The following FHL2 variants were observed in gnomAD, a reference collection of about 807,000 sequenced individuals.
The protein encoded by FHL2 is four and a half LIM domains 2.
In FHL2, 20 loss-of-function variants were observed where a neutral mutation model predicts 32.7. The observed-to-expected ratio is 0.61, with a 90% CI of 0.43 to 0.89. FHL2 has a LOEUF of 0.89. Ranked by LOEUF, FHL2 falls within the 40% of genes least tolerant of loss-of-function variation. FHL2 has a pLI of 0.00. For missense variants in FHL2, 311 were observed against 358.6 expected (o/e 0.87, Z 1.07); for synonymous variants, 123 against 128.1 (o/e 0.96, Z 0.27).
intron 3 of FHL2, chr2:105,376,436 A>G (rs1053741463): frequency 2.0e-5 from 3 of 152,220 alleles, no homozygotes; most frequent in Non-Finnish European, 4.4e-5. Context: ...GTGGCTCAGT[A>G]TTGCCTTTGT....
At chr2:105,390,947 C>A (rs1285563789) in intron 2 of FHL2, among the ~76,000 whole-genome samples, 3 of 151,886 alleles carry the variant, frequency 2.0e-5, no homozygotes, top group Non-Finnish European at 4.4e-5. Flanking sequence ...CGGGCACACG[C>A]CACCACACTC....
At chr2:105,371,006 G>A (rs1303977982) in intron 4 of FHL2, among the ~76,000 whole-genome samples, 1 of 152,180 alleles carries the variant, frequency 6.6e-6, no homozygotes, top group Admixed American at 6.5e-5. Flanking sequence ...CCATTCCTTA[G>A]TAGAAGAGGC....
At chr2:105,435,523 C>T (rs116977194) in intron 1 of FHL2, among the ~76,000 whole-genome samples, 2,362 of 152,246 alleles carry the variant, frequency 0.016, 82 homozygotes, top group East Asian at 0.07. Context: ...TTCCCATAGC[C>T]GCTTCAGATA....
At chr2:105,411,786 C>T (rs1683801238) in intron 1 of FHL2, among the ~76,000 whole-genome samples, 1 of 151,594 alleles carries the variant, frequency 6.6e-6, no homozygotes. Context: ...CACGCCAGTG[C>T]ACTCCAGCCT....
At chr2:105,363,607 C>T (rs1298184623) in intron 5 of FHL2, 136 bp from the exon 6 acceptor site, 3 of 785,736 alleles carry the variant, frequency 3.8e-6, no homozygotes, top group Admixed American at 5.4e-5. Context: ...AGCTGCTTTA[C>T]AAACTTCACA....
At chr2:105,400,717 C>T (rs1340364779), upstream of FHL2, among the ~76,000 whole-genome samples, 7 of 125,280 alleles carry the variant, frequency 5.6e-5, no homozygotes, top group East Asian at 2.4e-4. Flanking sequence ...TTCTGACTTA[C>T]GGGTGTAATC....
intron 3 of FHL2, chr2:105,374,070 C>T (rs1254334998): frequency 6.0e-6 from 2 of 334,796 alleles, no homozygotes; most frequent in African/African-American, 4.3e-5. Context: ...ATCAATTCGT[C>T]TCACACCACA....
intron 1 of FHL2, among the ~76,000 whole-genome samples, chr2:105,427,396 C>T (rs55756009): frequency 0.08 from 12,218 of 152,116 alleles, 733 homozygotes; most frequent in East Asian, 0.29. Flanking sequence ...TGAAACTCAC[C>T]CGGAGCTTGA....
At chr2:105,376,724 G>T (rs919994498) in intron 3 of FHL2, 1 of 152,240 alleles carries the variant, frequency 6.6e-6, no homozygotes, top group Non-Finnish European at 1.5e-5. Flanking sequence ...CACGTTCATT[G>T]AAGAATTATT....
At chr2:105,426,179 T>C (rs529024031) in intron 1 of FHL2, among the ~76,000 whole-genome samples, 17 of 152,328 alleles carry the variant, frequency 1.1e-4, no homozygotes, top group Middle Eastern at 3.4e-3. Context: ...TTTGTCAAAG[T>C]GCTCTTAGCT....
chr2:105,404,250 A>G (rs1031565666), intron 1 of FHL2, among the ~76,000 whole-genome samples: 25 of 152,188 alleles, frequency 1.6e-4, no homozygotes, highest in Non-Finnish European at 3.1e-4. Context: ...TCCCACTCAA[A>G]CCTTGGCCAG....
chr2:105,427,962 C>A (rs1684313934), intron 1 of FHL2, among the ~76,000 whole-genome samples: 1 of 152,208 alleles, frequency 6.6e-6, no homozygotes, highest in South Asian at 2.1e-4. Flanking sequence ...AGTATGCAGT[C>A]TACTTTATTC....
chr2:105,438,228 G>A (rs1191928632), intron 1 of FHL2, among the ~76,000 whole-genome samples: 1 of 152,166 alleles, frequency 6.6e-6, no homozygotes, highest in African/African-American at 2.4e-5. Context: ...CCAGCTGCCA[G>A]CAACACCTGC....
intron 3 of FHL2, among the ~76,000 whole-genome samples, chr2:105,385,689 T>C (rs1682254381): frequency 6.6e-6 from 1 of 152,170 alleles, no homozygotes; most frequent in African/African-American, 2.4e-5. Flanking sequence ...CAGGGTGTCC[T>C]TCAGCAATCC....
At chr2:105,434,723 T>C (rs1302016015) in intron 1 of FHL2, among the ~76,000 whole-genome samples, 1 of 152,188 alleles carries the variant, frequency 6.6e-6, no homozygotes, top group Non-Finnish European at 1.5e-5. Context: ...TATAGTGCTG[T>C]TGTATTAAAT....
chr2:105,390,486 G>T (rs1243211151), intron 2 of FHL2, among the ~76,000 whole-genome samples: 1 of 152,184 alleles, frequency 6.6e-6, no homozygotes, highest in Non-Finnish European at 1.5e-5. Context: ...TCTGAGAGTG[G>T]TGGATCCCTC....
chr2:105,436,198 T>C (rs1553427254), intron 1 of FHL2, among the ~76,000 whole-genome samples: 1 of 151,392 alleles, frequency 6.6e-6, no homozygotes, highest in Non-Finnish European at 1.5e-5. Context: ...TCAACGGTAA[T>C]AAAAAAAAAT....
At position 105,363,602 on chromosome 2, in the gene FHL2, C is replaced by T. The variant is rs1680431887; in HGVS notation, c.502-131G>A. On this transcript the variant is annotated intron_variant, in intron 5 of 6. Coordinates refer to ENST00000530340, the MANE Select transcript of FHL2 (RefSeq NM_001318895.3). ...AGTTTGTTAAGTCACCAAGAAGCTG[C>T]TTTACAAACTTCACAGTCACTCGTC... 5 of 812,854 alleles carry T rather than the reference C, an allele frequency of 6.2e-6. No individual in the cohort carries two copies. In the East Asian group the frequency reaches 1.1e-4, roughly 18 times the overall value. The allele number at this position is 812,854 out of a possible 1,614,324, so 50.4% of individuals were successfully genotyped here.
chr2:105,401,771 A>C (rs1683473648), upstream of FHL2, among the ~76,000 whole-genome samples: 1 of 152,144 alleles, frequency 6.6e-6, no homozygotes, highest in Non-Finnish European at 1.5e-5. Flanking sequence ...AACTGAGAAA[A>C]ATAAAAGTAG....
Sources: allele counts gnomAD v4.1 joint callset (sites outside exome capture counted in the v4.1 genomes callset), GRCh38; gene constraint gnomAD v4.1.1; transcripts MANE v1.5; gene names NCBI Gene and HGNC (gene_info 2026-07-23, HGNC 2026-07-21).